MDGA2: variants seen among roughly 807,000 people sequenced by gnomAD.
The protein encoded by MDGA2 is MAM domain containing glycosylphosphatidylinositol anchor 2.
MDGA2 carries 40 observed loss-of-function variants against 117.8 expected under a neutral mutation model. The ratio of observed to expected loss-of-function variants is 0.34; its 90% confidence interval spans 0.26 to 0.44. The LOEUF is 0.44. Among genes scored for constraint, MDGA2 ranks in the 20% least tolerant of loss-of-function variants. The pLI, the probability that MDGA2 is intolerant of heterozygous loss-of-function variation, is 1.00. For synonymous variants in MDGA2, 452 were observed against 439.0 expected (o/e 1.03, Z -0.37); for missense variants, 1,123 against 1,250.6 (o/e 0.90, Z 1.54).
intron 6 of MDGA2, among the ~76,000 whole-genome samples, chr14:47,064,126 C>T (rs1889994029): frequency 6.6e-6 from 1 of 151,868 alleles, no homozygotes; most frequent in Non-Finnish European, 1.5e-5. Context: ...TCAATTAATA[C>T]ATAAGATTAT....
chr14:47,133,119 A>C (rs922392028), intron 4 of MDGA2, among the ~76,000 whole-genome samples: 3 of 149,652 alleles, frequency 2.0e-5, no homozygotes, highest in African/African-American at 5.0e-5. Flanking sequence ...AAAAAAAAAA[A>C]AACAAACAAA....
chr14:47,508,608 A>C (rs1362102323), intron 1 of MDGA2, among the ~76,000 whole-genome samples: 3 of 152,172 alleles, frequency 2.0e-5, no homozygotes, highest in Non-Finnish European at 2.9e-5. Flanking sequence ...TGACTAGAAC[A>C]ATATAGGAGG....
intron 1 of MDGA2, among the ~76,000 whole-genome samples, chr14:47,634,016 A>G (rs937943284): frequency 6.6e-6 from 1 of 152,180 alleles, no homozygotes; most frequent in African/African-American, 2.4e-5. Flanking sequence ...GTATGTAGCC[A>G]GTAAGTGGAT....
chr14:46,848,664 G>T (rs1440675992), intron 15 of MDGA2, among the ~76,000 whole-genome samples: 1 of 145,406 alleles, frequency 6.9e-6, no homozygotes, highest in Non-Finnish European at 1.5e-5. Context: ...AAAAAAAAAA[G>T]TCCCAGAGCA....
At chr14:47,194,495 T>A (rs1187658294) in intron 3 of MDGA2, among the ~76,000 whole-genome samples, 1 of 152,114 alleles carries the variant, frequency 6.6e-6, no homozygotes, top group Non-Finnish European at 1.5e-5. Context: ...ATAGGGATTA[T>A]CCCTTTGCAT....
rs960608092 is a variant in MDGA2 at position 47,447,951 on chromosome 14, C to T, written c.281-146401G>A. Among the ~76,000 whole-genome samples, 22 of 152,008 alleles carry T rather than the reference C, an allele frequency of 1.4e-4. 1 individual carries two copies. The highest frequency in any genetic ancestry group is 1.2e-3 in the South Asian group (6 of 4,808). On this transcript the variant is annotated intron_variant, in intron 1 of 16. Coordinates refer to ENST00000399232, the MANE Select transcript of MDGA2 (RefSeq NM_001113498.3). ...TGTTCCTGACAGAAGGCTCCTAAAA[C>T]GCTTGTATTTTCCTGAGTGGGGTGA...
At chr14:47,459,124 C>A (rs903746514) in intron 1 of MDGA2, among the ~76,000 whole-genome samples, 5 of 151,810 alleles carry the variant, frequency 3.3e-5, no homozygotes, top group African/African-American at 1.2e-4. Flanking sequence ...GGAAATACAC[C>A]TCCAGAAGGA....
chr14:47,368,078 G>C lies in MDGA2; in HGVS notation c.281-66528C>G, dbSNP rs542870409. Among the ~76,000 whole-genome samples, 4 of 151,996 alleles carry C rather than the reference G, an allele frequency of 2.6e-5. No homozygotes were observed. The East Asian group carries it at 7.8e-4, about 30-fold the overall frequency. On this transcript the variant is annotated intron_variant, in intron 1 of 16. Coordinates refer to ENST00000399232, the MANE Select transcript of MDGA2 (RefSeq NM_001113498.3). ...GTGGATCTCCTGAGGTCAGGAGTTC[G>C]AGATCAGCCTGGCCAACATGGTGAA...
At chr14:47,006,116 GA>G (rs928710552) in intron 8 of MDGA2, among the ~76,000 whole-genome samples, 59 of 151,450 alleles carry the variant, frequency 3.9e-4, no homozygotes, top group African/African-American at 1.4e-3. Context: ...TTACCAATTT[GA>G]AATGTATGAT....
chr14:46,842,467 C>T (rs1166573483), intron 16 of MDGA2, among the ~76,000 whole-genome samples: 2 of 151,932 alleles, frequency 1.3e-5, no homozygotes, highest in Admixed American at 6.6e-5. Flanking sequence ...GTTATGTGTA[C>T]AGAAATTAAC....
At chr14:47,051,985 T>C (rs927244642) in intron 7 of MDGA2, among the ~76,000 whole-genome samples, 2 of 152,030 alleles carry the variant, frequency 1.3e-5, no homozygotes, top group Admixed American at 1.3e-4. Flanking sequence ...TAAAATAATA[T>C]GCTGTAATGT....
At position 46,992,190 on chromosome 14, in the gene MDGA2, T is replaced by C. The variant is rs769861047; in HGVS notation, c.1820-34547A>G. 9.2e-4 allele frequency among the ~76,000 whole-genome samples: 140 copies of C among 152,080 alleles called. 3 individuals carry two copies. Among genetic ancestry groups the C allele is most frequent in the Non-Finnish European group, 1.6e-4 (11 of 68,000 alleles). On this transcript the variant is annotated intron_variant, in intron 8 of 16. Transcript: ENST00000399232. ...ATTCTCAATTAAAATCTATCCACAA[T>C]ATGAACATAAGCAAAAGAAAGAAAC...
At chr14:47,576,784 C>G (rs74855960) in intron 1 of MDGA2, among the ~76,000 whole-genome samples, 10,782 of 152,186 alleles carry the variant, frequency 0.071, 485 homozygotes, top group Middle Eastern at 0.15. Flanking sequence ...CCTTAGGAGG[C>G]AGATTCTCAT....
intron 2 of MDGA2, among the ~76,000 whole-genome samples, chr14:47,283,082 C>T (rs1206755635): frequency 1.3e-5 from 2 of 152,096 alleles, no homozygotes; most frequent in Admixed American, 6.5e-5. Context: ...CATTATTATG[C>T]TTATGGCTAT....
intron 1 of MDGA2, among the ~76,000 whole-genome samples, chr14:47,503,781 C>T (rs17118810): frequency 0.024 from 3,618 of 152,202 alleles, 100 homozygotes; most frequent in East Asian, 0.067. Flanking sequence ...TTCCTGGTTG[C>T]CAATACCAAT....
chr14:46,991,310 A>G (rs1371303677), intron 8 of MDGA2, among the ~76,000 whole-genome samples: 1 of 152,166 alleles, frequency 6.6e-6, no homozygotes, highest in Non-Finnish European at 1.5e-5. Flanking sequence ...TATAGTTTTC[A>G]GAAAGAAAAG....
chr14:47,096,043 A>G (rs1170672807), intron 6 of MDGA2, among the ~76,000 whole-genome samples: 3 of 152,008 alleles, frequency 2.0e-5, no homozygotes, highest in African/African-American at 7.2e-5. Context: ...ACTTCTTTCC[A>G]TCTTCCAAAA....
chr14:47,119,169 G>GCCCCCCCCCC (rs755946456), intron 5 of MDGA2, among the ~76,000 whole-genome samples: 7 of 19,400 alleles, frequency 3.6e-4, no homozygotes, highest in East Asian at 2.8e-3. Flanking sequence ...TCCTGCCTCA[G>GCCCCCCCCCC]CCCCGCCCCC....
chr14:47,570,697 A>G (rs1896003008), intron 1 of MDGA2, among the ~76,000 whole-genome samples: 1 of 152,190 alleles, frequency 6.6e-6, no homozygotes, highest in East Asian at 1.9e-4. Flanking sequence ...AAAACTGTCT[A>G]GCCATATGCA....
Sources: allele counts gnomAD v4.1 joint callset (sites outside exome capture counted in the v4.1 genomes callset), GRCh38; gene constraint gnomAD v4.1.1; transcripts MANE v1.5; gene names NCBI Gene and HGNC (gene_info 2026-07-23, HGNC 2026-07-21).